CAPZB: variants seen among roughly 807,000 people sequenced by gnomAD.
The protein encoded by CAPZB is capping actin protein of muscle Z-line subunit beta, also known as F-actin-capping protein subunit beta.
Under a neutral mutation model 38.1 loss-of-function variants are expected in CAPZB, and 2 were observed. The observed-to-expected ratio is 0.05, with a 90% CI of 0.02 to 0.17. CAPZB has a LOEUF of 0.17. Ranked by LOEUF, CAPZB falls within the 10% of genes least tolerant of loss-of-function variation. The probability of loss-of-function intolerance (pLI) is 1.00; values close to 1 mark genes in which losing one functional copy is unlikely to be tolerated. For missense variants in CAPZB, 161 were observed against 334.2 expected (o/e 0.48, Z 4.04); for synonymous variants, 107 against 127.4 (o/e 0.84, Z 1.08).
At position 19,367,019 on chromosome 1, in the gene CAPZB, C is replaced by T. The variant is rs932098377; in HGVS notation, c.330-9456G>A. Among the ~76,000 whole-genome samples, 3 of 152,234 alleles carry T rather than the reference C, an allele frequency of 2.0e-5. No individual in the cohort carries two copies. In the East Asian group the frequency reaches 5.8e-4, roughly 29 times the overall value. The stretch of plus-strand genomic sequence containing the variant: ...GGGGCATCCAAAACCTGGCTCCCTT[C>T]CTCGTGGTGTAGACCAACGTTCCTT... On this transcript the variant is annotated intron_variant, in intron 4 of 8. Coordinates refer to ENST00000264202, the MANE Select transcript of CAPZB (RefSeq NM_004930.5).
chr1:19,436,569 G>T (rs905642326), intron 1 of CAPZB, among the ~76,000 whole-genome samples: 3 of 152,196 alleles, frequency 2.0e-5, no homozygotes, highest in Admixed American at 2.0e-4. Flanking sequence ...AAAGAAATTT[G>T]TGCTAGTTTT....
chr1:19,357,333 CT>C lies in CAPZB; in HGVS notation c.471+88del. 1 of 1,203,802 alleles carries C rather than the reference CT, an allele frequency of 8.3e-7. No homozygotes were observed. The highest frequency in any genetic ancestry group is 1.8e-5 in the Admixed American group (1 of 54,114). 74.6% of individuals were successfully genotyped at this position (1,203,802 alleles called of 1,614,324 possible). A position where few individuals can be genotyped will look rare whatever the true frequency, so the allele number is the denominator to read the frequency against. On this transcript the variant is annotated intron_variant, in intron 5 of 8. Transcript: ENST00000264202. The surrounding 1 kb of genome is among the most constrained non-coding windows in gnomAD (Gnocchi z 4.3). ...GGGGTTCAGAGATCACAGCATCCCC[CT>C]ACTGCATCTGTTAGAGAGCAGCGCG... is the stretch of plus-strand genomic sequence containing the variant.
At chr1:19,369,665 C>T (rs890446396) in intron 4 of CAPZB, among the ~76,000 whole-genome samples, 3 of 152,222 alleles carry the variant, frequency 2.0e-5, no homozygotes, top group Admixed American at 6.5e-5. Flanking sequence ...GTGCCCGTCA[C>T]GGGATCCCTC....
At chr1:19,345,469 C>G (rs1230360901) in intron 6 of CAPZB, among the ~76,000 whole-genome samples, 1 of 152,224 alleles carries the variant, frequency 6.6e-6, no homozygotes, top group Non-Finnish European at 1.5e-5. Flanking sequence ...GCCCAGAGTC[C>G]CACTTCCAAG....
At chr1:19,399,897 C>T (rs1414640427) in intron 2 of CAPZB, among the ~76,000 whole-genome samples, 1 of 152,136 alleles carries the variant, frequency 6.6e-6, no homozygotes, top group African/African-American at 2.4e-5. Context: ...CAAACCTTTA[C>T]TAAGCAAGGT....
intron 4 of CAPZB, among the ~76,000 whole-genome samples, chr1:19,364,688 G>C (rs2094073252): frequency 1.3e-5 from 2 of 152,140 alleles, no homozygotes; most frequent in Admixed American, 1.3e-4. Context: ...CCAACTAAGT[G>C]TTAACCAATG....
intron 1 of CAPZB, among the ~76,000 whole-genome samples, chr1:19,450,738 T>A (rs79698574): frequency 7.7e-4 from 117 of 152,300 alleles, no homozygotes; most frequent in Middle Eastern, 3.4e-3. Context: ...TTCACACTTG[T>A]GCAGGGTCAG....
intron 1 of CAPZB, among the ~76,000 whole-genome samples, chr1:19,439,206 C>A (rs2094467898): frequency 6.6e-6 from 1 of 152,140 alleles, no homozygotes; most frequent in South Asian, 2.1e-4. Context: ...AAACTCCCAT[C>A]TCAGAAAGGT....
chr1:19,484,607 T>C (rs1221018785), intron 1 of CAPZB: 2 of 1,199,694 alleles, frequency 1.7e-6, no homozygotes, highest in South Asian at 1.6e-5. Context: ...CCATCCCTGA[T>C]GGAGAGCTCC....
At chr1:19,460,780 A>T (rs1187725000) in intron 1 of CAPZB, among the ~76,000 whole-genome samples, 2 of 151,878 alleles carry the variant, frequency 1.3e-5, no homozygotes, top group East Asian at 3.9e-4. Context: ...CGGATAGGGG[A>T]GGATGGCTGT....
chr1:19,385,011 C>T (rs1281273516), intron 3 of CAPZB, among the ~76,000 whole-genome samples: 1 of 152,106 alleles, frequency 6.6e-6, no homozygotes, highest in Non-Finnish European at 1.5e-5. Flanking sequence ...CTAATGTCAA[C>T]TTAGTTATTT....
intron 3 of CAPZB, among the ~76,000 whole-genome samples, chr1:19,382,442 G>A (rs1483614120): frequency 1.3e-5 from 2 of 152,032 alleles, no homozygotes; most frequent in Non-Finnish European, 1.5e-5. Context: ...GGTTTCAAAC[G>A]GTGCTGCTGG....
chr1:19,421,927 T>C (rs1040485763), intron 1 of CAPZB, among the ~76,000 whole-genome samples: 17 of 152,160 alleles, frequency 1.1e-4, no homozygotes, highest in African/African-American at 4.1e-4. Flanking sequence ...TTTTTAAAAA[T>C]TTTAAATGAT....
intron 1 of CAPZB, among the ~76,000 whole-genome samples, chr1:19,481,404 T>G (rs543207220): frequency 9.3e-4 from 141 of 152,306 alleles, no homozygotes; most frequent in African/African-American, 3.3e-3. Context: ...CTGCTCACTG[T>G]GTTCTGGAAA....
At chr1:19,420,363 G>A (rs1181805112) in intron 1 of CAPZB, among the ~76,000 whole-genome samples, 4 of 152,130 alleles carry the variant, frequency 2.6e-5, no homozygotes, top group Admixed American at 2.6e-4. Context: ...TCACTGCAGA[G>A]GCAAGGACTG....
rs2094027640 is a variant in CAPZB at position 19,357,391 on chromosome 1, G to A, written c.471+31C>T. On this transcript the variant is annotated intron_variant, in intron 5 of 8. Transcript: ENST00000264202. This position sits in a 1 kb window ranked among gnomAD's most constrained non-coding sequence, Gnocchi z 4.3. The stretch of plus-strand genomic sequence containing the variant: ...GTTGGTGTGCCATCTGTACTTAGTG[G>A]CCCGGGCCACCAGCTGCTGGGAGGC... The A allele has an allele frequency of 5.0e-6, 8 of 1,610,714 alleles. No homozygotes were observed. The highest frequency in any genetic ancestry group is 6.8e-6 in the Non-Finnish European group (8 of 1,178,160).
intron 7 of CAPZB, among the ~76,000 whole-genome samples, chr1:19,344,672 G>A (rs892009132): frequency 2.0e-5 from 3 of 152,306 alleles, no homozygotes; most frequent in Admixed American, 1.3e-4. Flanking sequence ...AGGGATTGGC[G>A]GCCAGCTCTG....
At position 19,475,466 on chromosome 1, in the gene CAPZB, TCACGGCTCCCAC is replaced by T. The variant is rs77235268; in HGVS notation, c.3+9958_3+9969del. Among the ~76,000 whole-genome samples, 1,035 of 152,254 alleles carry T rather than the reference TCACGGCTCCCAC, an allele frequency of 6.8e-3. 5 individuals are homozygous for T. Among genetic ancestry groups the T allele is most frequent in the Non-Finnish European group, 0.011 (770 of 68,008 alleles). ...CAGTAAATGTCAGCTGCTGTTAGGA[TCACGGCTCCCAC>T]CACGGCCAAACCCTGACAAGGCCAG... is the stretch of plus-strand genomic sequence containing the variant. On this transcript the variant is annotated intron_variant, in intron 1 of 8. Coordinates refer to ENST00000264202, the MANE Select transcript of CAPZB (RefSeq NM_004930.5).
chr1:19,438,958 G>A (rs1367153087), intron 1 of CAPZB, among the ~76,000 whole-genome samples: 2 of 152,254 alleles, frequency 1.3e-5, no homozygotes, highest in African/African-American at 2.4e-5. Context: ...CCAGAGCAAG[G>A]GAAAGGGATA....
Sources: allele counts gnomAD v4.1 joint callset (sites outside exome capture counted in the v4.1 genomes callset), GRCh38; gene constraint gnomAD v4.1.1; non-coding constraint Gnocchi (gnomAD v3.1); transcripts MANE v1.5; gene names NCBI Gene and HGNC (gene_info 2026-07-23, HGNC 2026-07-21).